Variants in LUZP2 observed in about 807,000 individuals in gnomAD.
LUZP2 encodes the protein leucine zipper protein 2.
A neutral mutation model predicts 51.6 loss-of-function variants in LUZP2; 52 were observed. That is an observed-to-expected ratio of 1.01 (90% CI 0.81 to 1.27). LUZP2 has a LOEUF of 1.27. LUZP2 is among the 50% of genes most tolerant of loss of function. The probability of loss-of-function intolerance (pLI) is 0.00; values close to 1 mark genes in which losing one functional copy is unlikely to be tolerated. For missense variants in LUZP2, 436 were observed against 395.4 expected, an observed-to-expected ratio of 1.10 and a Z score of -0.87; for synonymous variants, 154 against 137.3, an observed-to-expected ratio of 1.12 and a Z score of -0.85.
rs138166290 is a variant in LUZP2, at chr11:24,879,641, G to C, written c.397-26350G>C. 2.1e-3 allele frequency among the ~76,000 whole-genome samples: 321 copies of C among 152,126 alleles called. 1 individual carries two copies. Among genetic ancestry groups the C allele is most frequent in the African/African-American group, 7.4e-3 (309 of 41,498 alleles). The stretch of plus-strand genomic sequence containing the variant: ...TGGCGTGAGATGGTATCTCTTTCTG[G>C]TTTTGATTCGCATTTCTCTAATGAT... On this transcript the variant is annotated intron_variant, in intron 5 of 11. Transcript: ENST00000336930.
chr11:24,809,397 T>G (rs116694002), intron 5 of LUZP2, among the ~76,000 whole-genome samples: 1 of 152,146 alleles, frequency 6.6e-6, no homozygotes, highest in African/African-American at 2.4e-5. Context: ...TACTGCACAC[T>G]CTTTCAGCAT....
intron 5 of LUZP2, among the ~76,000 whole-genome samples, chr11:24,872,201 AAT>A (rs1334989022): frequency 1.3e-5 from 2 of 152,114 alleles, no homozygotes; most frequent in Admixed American, 6.6e-5. Flanking sequence ...CTTATCGGTG[AAT>A]TTTTCTCAGT....
intron 9 of LUZP2, among the ~76,000 whole-genome samples, chr11:25,039,801 C>T (rs1446207): frequency 0.48 from 73,016 of 151,936 alleles, 17,852 homozygotes; most frequent in Non-Finnish European, 0.51. Context: ...TTTTTTATTG[C>T]AGCAAATCTC....
chr11:25,071,548 T>C (rs1283971022), intron 10 of LUZP2, among the ~76,000 whole-genome samples: 2 of 152,042 alleles, frequency 1.3e-5, no homozygotes, highest in African/African-American at 4.8e-5. Flanking sequence ...AAAGTCTTTC[T>C]ACAAATTGCT....
chr11:24,735,738 A>G (rs931961694), intron 3 of LUZP2, among the ~76,000 whole-genome samples: 1 of 151,926 alleles, frequency 6.6e-6, no homozygotes, highest in Non-Finnish European at 1.5e-5. Flanking sequence ...AAATATTTCA[A>G]TATTTGAGCT....
intron 9 of LUZP2, among the ~76,000 whole-genome samples, chr11:24,999,337 G>C (rs1055922110): frequency 1.3e-5 from 2 of 151,874 alleles, no homozygotes; most frequent in Non-Finnish European, 2.9e-5. Context: ...AGGGGAAGAA[G>C]AAGAGGAAAA....
chr11:24,989,642 T>C (rs1024069177), intron 9 of LUZP2, among the ~76,000 whole-genome samples: 1 of 152,008 alleles, frequency 6.6e-6, no homozygotes, highest in East Asian at 1.9e-4. Flanking sequence ...TCCTATATCT[T>C]TCAGTCAGGA....
chr11:24,794,318 T>G (rs113306101), intron 5 of LUZP2, among the ~76,000 whole-genome samples: 1 of 152,166 alleles, frequency 6.6e-6, no homozygotes, highest in African/African-American at 2.4e-5. Context: ...CTACTCTTTA[T>G]GTACAGAGAT....
In LUZP2 at chr11:24,983,108, A is replaced by G. The variant is rs931451645; in HGVS notation, c.598-18A>G. 6.2e-7 allele frequency: 1 copy of G among 1,609,848 alleles called. No homozygotes were observed. The highest frequency in any genetic ancestry group is 8.5e-7 in the Non-Finnish European group (1 of 1,177,502). ...AGCATAGCTAAATGTAAATATGTTA[A>G]TGCCTCTTTTTTTGTAGGAGTCACA... On this transcript the variant is annotated intron_variant, in intron 8 of 11. Transcript: ENST00000336930.
intron 1 of LUZP2, among the ~76,000 whole-genome samples, chr11:24,509,217 A>G (rs530555669): frequency 6.6e-6 from 1 of 152,240 alleles, no homozygotes; most frequent in Non-Finnish European, 1.5e-5. Context: ...CAACATTCAC[A>G]TTTGGTCTGT....
In LUZP2 at chr11:25,081,029, A is replaced by ATTTTTTTTTTTTTTTTTTTTTTTTT. The variant is rs553696425; in HGVS notation, c.*2392_*2393insTTTTTTTTTTTTTTTTTTTTTTTTT. Reference sequence around the variant, plus strand: ...ATCAAGTGGGCTTTGGATCCATATGATTTTTTTTTTTTTTTTTTTTTGAGA... The same window carrying ATTTTTTTTTTTTTTTTTTTTTTTTT: ...ATCAAGTGGGCTTTGGATCCATATGATTTTTTTTTTTTTTTTTTTTTTTTTTTTTTTTTTTTTTTTTTTTTTGAGA... On this transcript the variant is annotated 3_prime_UTR_variant, in exon 12 of 12. Coordinates refer to ENST00000336930, the MANE Select transcript of LUZP2 (RefSeq NM_001009909.4). 1 of 100,706 alleles carries ATTTTTTTTTTTTTTTTTTTTTTTTT rather than the reference A, an allele frequency of 9.9e-6. No homozygotes were observed. Among genetic ancestry groups the ATTTTTTTTTTTTTTTTTTTTTTTTT allele is most frequent in the African/African-American group, 3.8e-5 (1 of 26,512 alleles). The allele number at this position is 100,706 out of a possible 1,614,324, so 6.2% of individuals were successfully genotyped here.
intron 5 of LUZP2, among the ~76,000 whole-genome samples, chr11:24,893,796 A>G (rs958792987): frequency 2.7e-5 from 4 of 150,218 alleles, no homozygotes; most frequent in Non-Finnish European, 5.9e-5. Context: ...ACACACACAC[A>G]CACGCACATG....
intron 1 of LUZP2, among the ~76,000 whole-genome samples, chr11:24,615,330 C>G (rs369909252): frequency 2.0e-5 from 3 of 151,712 alleles, no homozygotes; most frequent in Admixed American, 2.0e-4. Flanking sequence ...AGTTCTTGAT[C>G]CCTGGCAACC....
In LUZP2 at chr11:24,785,529, A is replaced by G. The variant is rs1238309209; in HGVS notation, c.396+22221A>G. On this transcript the variant is annotated intron_variant, in intron 5 of 11. Coordinates refer to ENST00000336930, the MANE Select transcript of LUZP2 (RefSeq NM_001009909.4). ...ACTTACTTGGGAATATTAATGACAT[A>G]TTTATATTGTCATTATGAATATAAT... 4.6e-5 allele frequency among the ~76,000 whole-genome samples: 7 copies of G among 152,100 alleles called. No homozygotes were observed. The East Asian group carries it at 1.2e-3, about 25-fold the overall frequency.
At chr11:25,048,444 G>T (rs1160467780) in intron 9 of LUZP2, among the ~76,000 whole-genome samples, 1 of 152,102 alleles carries the variant, frequency 6.6e-6, no homozygotes, top group Non-Finnish European at 1.5e-5. Context: ...TTATATTAGA[G>T]TTACTTATGT....
At chr11:24,848,824 A>G (rs2134216728) in intron 5 of LUZP2, among the ~76,000 whole-genome samples, 1 of 152,308 alleles carries the variant, frequency 6.6e-6, no homozygotes, top group South Asian at 2.1e-4. Context: ...AAGTACAATT[A>G]TAAGAAATAA....
chr11:24,503,252 T>G (rs1472829339), intron 1 of LUZP2, among the ~76,000 whole-genome samples: 1 of 152,182 alleles, frequency 6.6e-6, no homozygotes, highest in African/African-American at 2.4e-5. Context: ...TTCTCTTTAT[T>G]TTGCTATAGA....
chr11:24,765,270 T>G (rs1860138094), intron 5 of LUZP2, among the ~76,000 whole-genome samples: 1 of 152,152 alleles, frequency 6.6e-6, no homozygotes, highest in African/African-American at 2.4e-5. Flanking sequence ...GATTTTCCGT[T>G]CAGGCATAAG....
Position 24,962,593 on chromosome 11 carries a change from T to C in LUZP2, c.523-13998T>C, listed in dbSNP as rs1380995815. On this transcript the variant is annotated intron_variant, in intron 7 of 11. Transcript: ENST00000336930. ...GCTTCTGCATTCTTCACGTAGTTCTTGAGCCTTAGCTTTCAGCTCCATCAG... is the reference window on the plus strand; with the variant it reads ...GCTTCTGCATTCTTCACGTAGTTCTCGAGCCTTAGCTTTCAGCTCCATCAG... Among the ~76,000 whole-genome samples the C allele has an allele frequency of 2.0e-5, 3 of 152,260 alleles. No individual in the cohort carries two copies. The South Asian group carries it at 6.2e-4, about 32-fold the overall frequency.
Sources: allele counts gnomAD v4.1 joint callset (sites outside exome capture counted in the v4.1 genomes callset), GRCh38; gene constraint gnomAD v4.1.1; transcripts MANE v1.5; gene names NCBI Gene and HGNC (gene_info 2026-07-23, HGNC 2026-07-21).